MAPK10: variants seen among roughly 807,000 people sequenced by gnomAD.
MAPK10 encodes JNK3 alpha protein kinase.
A neutral mutation model predicts 59.3 loss-of-function variants in MAPK10; 25 were observed. The ratio of observed to expected loss-of-function variants is 0.42; its 90% confidence interval spans 0.31 to 0.59. The LOEUF (loss-of-function observed/expected upper bound fraction) is 0.59, where lower values mean the gene tolerates loss of function less well. Ranked by LOEUF, MAPK10 falls within the 20% of genes least tolerant of loss-of-function variation. The pLI, the probability that MAPK10 is intolerant of heterozygous loss-of-function variation, is 0.15. For missense variants in MAPK10, 351 were observed against 568.9 expected, an observed-to-expected ratio of 0.62 and a Z score of 3.90; for synonymous variants, 190 against 200.5, an observed-to-expected ratio of 0.95 and a Z score of 0.44.
intron 2 of MAPK10, among the ~76,000 whole-genome samples, chr4:86,216,294 GCA>G (rs1491525273): frequency 1.7e-5 from 2 of 114,734 alleles, no homozygotes; most frequent in Non-Finnish European, 3.6e-5. Flanking sequence ...TATATATATA[GCA>G]TATATATATA....
At chr4:86,280,612 A>G (rs547156745) in intron 2 of MAPK10, among the ~76,000 whole-genome samples, 1 of 152,270 alleles carries the variant, frequency 6.6e-6, no homozygotes, top group Non-Finnish European at 1.5e-5. Flanking sequence ...CCAGTGGAAA[A>G]TAAATCGTTC....
intron 9 of MAPK10, among the ~76,000 whole-genome samples, chr4:86,096,972 C>T (rs1331121861): frequency 6.6e-6 from 1 of 151,680 alleles, no homozygotes; most frequent in Non-Finnish European, 1.5e-5. Flanking sequence ...CCAGCACTGT[C>T]CAATAGAAAA....
chr4:86,355,761 TA>T (rs765588766), intron 1 of MAPK10, among the ~76,000 whole-genome samples: 13 of 152,284 alleles, frequency 8.5e-5, no homozygotes, highest in Non-Finnish European at 1.3e-4. Flanking sequence ...CTATATTATA[TA>T]AATGCTGTGC....
chr4:86,247,854 G>A (rs1190396806), intron 2 of MAPK10, among the ~76,000 whole-genome samples: 2 of 152,130 alleles, frequency 1.3e-5, no homozygotes, highest in Non-Finnish European at 2.9e-5. Context: ...TGGAAGTGTT[G>A]GGAATGTAGG....
At chr4:86,138,950 A>C (rs1431563924) in intron 4 of MAPK10, among the ~76,000 whole-genome samples, 1 of 148,406 alleles carries the variant, frequency 6.7e-6, no homozygotes, top group African/African-American at 2.4e-5. Flanking sequence ...AAAGAGAATA[A>C]AATACCTAGG....
intron 1 of MAPK10, among the ~76,000 whole-genome samples, chr4:86,470,647 T>A (rs1447904491): frequency 1.3e-5 from 2 of 152,174 alleles, no homozygotes; most frequent in African/African-American, 2.4e-5. Flanking sequence ...TTTTTGTTTT[T>A]TCATTCTATA....
intron 1 of MAPK10, among the ~76,000 whole-genome samples, chr4:86,507,052 C>T (rs1755794441): frequency 6.6e-6 from 1 of 151,804 alleles, no homozygotes; most frequent in African/African-American, 2.4e-5. Flanking sequence ...AACAATATTC[C>T]AGGCAAAGTT....
intron 1 of MAPK10, among the ~76,000 whole-genome samples, chr4:86,368,569 G>A (rs1372610769): frequency 6.6e-6 from 1 of 152,108 alleles, no homozygotes; most frequent in Non-Finnish European, 1.5e-5. Flanking sequence ...CTAGTGGACA[G>A]AGCACTACTA....
rs547017753 is a variant in MAPK10, at chr4:86,539,821, T to C, written c.-263+54089A>G. ...CTTGTCAAATAGAATAAGAGGCATA[T>C]AGAAATGTGTGTCCAAGGATGTTAG... On this transcript the variant is annotated intron_variant, in intron 1 of 4. Transcript: ENST00000502302. Among the ~76,000 whole-genome samples the C allele has an allele frequency of 6.6e-5, 10 of 152,338 alleles. No homozygotes were observed. In the East Asian group the frequency reaches 1.7e-3, roughly 26 times the overall value.
chr4:86,157,979 A>G (rs1329890733), intron 4 of MAPK10, among the ~76,000 whole-genome samples: 1 of 151,878 alleles, frequency 6.6e-6, no homozygotes, highest in African/African-American at 2.4e-5. Flanking sequence ...AAACTTTCTC[A>G]TGTTAATATT....
At chr4:86,141,660 G>A (rs1019667869) in intron 4 of MAPK10, among the ~76,000 whole-genome samples, 4 of 152,164 alleles carry the variant, frequency 2.6e-5, no homozygotes, top group African/African-American at 9.7e-5. Flanking sequence ...AGAATTTATT[G>A]ATAGAGAATA....
chr4:86,548,820 G>C (rs998612997), intron 1 of MAPK10, among the ~76,000 whole-genome samples: 3 of 152,136 alleles, frequency 2.0e-5, no homozygotes, highest in Non-Finnish European at 4.4e-5. Context: ...TGAACAATAA[G>C]ACAGCTTAGA....
intron 1 of MAPK10, among the ~76,000 whole-genome samples, chr4:86,562,940 GCTCT>G (rs1760787350): frequency 6.6e-6 from 1 of 152,126 alleles, no homozygotes; most frequent in Admixed American, 6.5e-5. Flanking sequence ...AGCTGAAACT[GCTCT>G]CTGTCATCTA....
Position 86,486,559 on chromosome 4 carries a change from A to G in MAPK10, c.-263+107351T>C, listed in dbSNP as rs150709193. Among the ~76,000 whole-genome samples the G allele has an allele frequency of 9.4e-3, 1,434 of 152,326 alleles. 6 individuals are homozygous for G. Among genetic ancestry groups the G allele is most frequent in the Non-Finnish European group, 0.014 (957 of 68,028 alleles). ...GGGTATCATAATATTGAGAAAATGA[A>G]TAATGTGATTATGTTCTTGGGTGCC... On this transcript the variant is annotated intron_variant, in intron 1 of 4. Coordinates refer to the MAPK10 transcript ENST00000502302.
intron 1 of MAPK10, among the ~76,000 whole-genome samples, chr4:86,520,363 T>C (rs1316710402): frequency 6.6e-6 from 1 of 152,204 alleles, no homozygotes; most frequent in Non-Finnish European, 1.5e-5. Flanking sequence ...AGCCTTGTCT[T>C]CAAGTTCTGA....
intron 2 of MAPK10, chr4:86,332,586 C>T (rs1201421499): frequency 6.6e-6 from 1 of 152,174 alleles, no homozygotes; most frequent in Non-Finnish European, 1.5e-5. Context: ...AGCACAGTTC[C>T]ACTGTGACGT....
chr4:86,339,452 T>C (rs773587734), intron 2 of MAPK10, among the ~76,000 whole-genome samples: 2 of 152,242 alleles, frequency 1.3e-5, no homozygotes, highest in Non-Finnish European at 2.9e-5. Flanking sequence ...AATCTTCATT[T>C]GAACCAGATT....
chr4:86,045,857 C>T (rs2042394090), intron 11 of MAPK10, among the ~76,000 whole-genome samples: 1 of 151,324 alleles, frequency 6.6e-6, no homozygotes. Flanking sequence ...TCTTTTTTAG[C>T]CCTTCATGTT....
intron 3 of MAPK10, among the ~76,000 whole-genome samples, chr4:86,161,897 A>G (rs183721325): frequency 2.6e-5 from 4 of 152,152 alleles, no homozygotes; most frequent in Admixed American, 2.6e-4. Flanking sequence ...GGTCTCAGTC[A>G]ATATATCATA....
Sources: allele counts gnomAD v4.1 joint callset (sites outside exome capture counted in the v4.1 genomes callset), GRCh38; gene constraint gnomAD v4.1.1; transcripts MANE v1.5; gene names NCBI Gene and HGNC (gene_info 2026-07-23, HGNC 2026-07-21).